Variants in KIF20B observed in about 807,000 individuals in gnomAD.
KIF20B encodes the protein kinesin-like protein KIF20B.
In KIF20B, 188 loss-of-function variants were observed where a neutral mutation model predicts 232.5. The observed-to-expected ratio is 0.81, with a 90% CI of 0.72 to 0.91. The LOEUF is 0.91. Among genes scored for constraint, KIF20B ranks in the 40% least tolerant of loss-of-function variants. KIF20B has a pLI of 0.00. For missense variants in KIF20B, 2,154 were observed against 2,055.9 expected (o/e 1.05, Z -0.92); for synonymous variants, 712 against 683.0 (o/e 1.04, Z -0.66).
At chr10:89,712,863 A>G (rs1413411384) in intron 6 of KIF20B, among the ~76,000 whole-genome samples, 5 of 152,266 alleles carry the variant, frequency 3.3e-5, no homozygotes, top group South Asian at 2.1e-4. Context: ...TTTTTACCCT[A>G]TTATTATTAA....
intron 25 of KIF20B, among the ~76,000 whole-genome samples, 191 bp downstream of exon 25, chr10:89,752,882 T>C (rs953008398): frequency 2.0e-5 from 3 of 152,202 alleles, no homozygotes; most frequent in East Asian, 1.9e-4. Context: ...TTCCAAGATA[T>C]AGCCTATTAA....
At position 89,723,923 on chromosome 10, in the gene KIF20B, A is replaced by G. The variant is rs1843120310; in HGVS notation, c.1723-41A>G. On this transcript the variant is annotated intron_variant, in intron 13 of 32. Coordinates refer to ENST00000371728, the MANE Select transcript of KIF20B (RefSeq NM_001284259.2). ...TTGGACGGTATTTCTCTTGGGATAT[A>G]TTTATTCTTTTATAAGAATTTTATC... The G allele has an allele frequency of 6.6e-6, 9 of 1,368,998 alleles. No homozygotes were observed. The African/African-American group carries it at 9.0e-5, about 14-fold the overall frequency. 84.8% of individuals were successfully genotyped at this position (1,368,998 alleles called of 1,614,324 possible). A position where few individuals can be genotyped will look rare whatever the true frequency, so the allele number is the denominator to read the frequency against.
At chr10:89,719,004 G>A (rs544691495) in intron 12 of KIF20B, 132 bp downstream of exon 12, 54 of 587,560 alleles carry the variant, frequency 9.2e-5, no homozygotes, top group African/African-American at 8.6e-4. Context: ...TAACCAAGTA[G>A]GAAGACATGA....
intron 7 of KIF20B, 22 bp downstream of exon 7, chr10:89,714,105 A>T: frequency 7.6e-7 from 1 of 1,322,660 alleles, no homozygotes; most frequent in Non-Finnish European, 1.0e-6. Flanking sequence ...TTGCTCACTT[A>T]TCTTTGATGT....
At chr10:89,709,124 G>T (rs371431314) in intron 2 of KIF20B, 43 bp from the exon 3 acceptor site, 1 of 1,375,816 alleles carries the variant, frequency 7.3e-7, no homozygotes, top group South Asian at 1.2e-5. Context: ...CTGAAAAGCC[G>T]TATCTTTCAA....
chr10:89,762,530 G>C, intron 28 of KIF20B, 108 bp from the exon 29 acceptor site: 1 of 768,494 alleles, frequency 1.3e-6, no homozygotes, highest in Non-Finnish European at 2.1e-6. Flanking sequence ...CACGCTTTTT[G>C]TCTTTCCCAA....
chr10:89,753,187 CAT>C (rs1286600774), intron 25 of KIF20B, among the ~76,000 whole-genome samples: 2 of 151,940 alleles, frequency 1.3e-5, no homozygotes, highest in Non-Finnish European at 2.9e-5. Flanking sequence ...TAACATACAA[CAT>C]ATGGGGGAAA....
chr10:89,705,396 G>C lies in KIF20B; in HGVS notation c.102G>C (p.Lys34Asn), dbSNP rs374375791. Reference protein sequence around the residue: ...RPSEINFDGIKLDLSHEFSLV... With the variant: ...RPSEINFDGINLDLSHEFSLV... ...CAGAAATAAATTTCGATGGCATTAA[G>C]CTTGATCTGTCTCATGAATTTTCCT... Residue 34 changes from lysine (K) to asparagine (N), a missense_variant, in exon 2 of 33, where the codon AAG (lysine) becomes AAC (asparagine). By Grantham distance (94) the Lys-to-Asn change is moderately conservative. Coordinates refer to ENST00000371728, the MANE Select transcript of KIF20B (RefSeq NM_001284259.2). 1 of 1,614,072 alleles carries C rather than the reference G, an allele frequency of 6.2e-7. No homozygotes were observed. Among genetic ancestry groups the C allele is most frequent in the South Asian group, 1.1e-5 (1 of 91,084 alleles).
intron 32 of KIF20B, 126 bp from the exon 33 acceptor site, chr10:89,773,845 A>G (rs1842515828): frequency 2.3e-6 from 1 of 439,448 alleles, no homozygotes; most frequent in Admixed American, 4.2e-5. Context: ...TAGTCTAAGT[A>G]AAAAAAATTC....
In KIF20B at chr10:89,774,149, T is replaced by C; in HGVS notation, c.*101T>C. On this transcript the variant is annotated 3_prime_UTR_variant, in exon 33 of 33. Coordinates refer to ENST00000371728, the MANE Select transcript of KIF20B (RefSeq NM_001284259.2). ...ATGTATATATTATGCATTAAATCAC[T>C]CTGCATATAGATTGCTGTTTTATAC... The C allele has an allele frequency of 1.7e-6, 1 of 594,080 alleles. No homozygotes were observed. Among genetic ancestry groups the C allele is most frequent in the East Asian group, 3.2e-5 (1 of 31,558 alleles). The allele number at this position is 594,080 out of a possible 1,614,324, so 36.8% of individuals were successfully genotyped here.
intron 22 of KIF20B, among the ~76,000 whole-genome samples, chr10:89,744,784 A>C (rs1483844071): frequency 7.1e-6 from 1 of 140,706 alleles, no homozygotes; most frequent in African/African-American, 2.9e-5. Flanking sequence ...GTATAAATAC[A>C]TGATTTTAAT....
In KIF20B at chr10:89,738,581, AAGAAG is replaced by A; in HGVS notation, c.3742_3746del (p.Glu1248ArgfsTer38). ...ATGAAACATTTACTTCAATTAAAAG[AAGAAG>A]AAGAAGAAACCAACAGGCAAGAAAC... On this transcript the variant is annotated frameshift_variant, in exon 20 of 33. Transcript: ENST00000371728. LOFTEE classifies it high-confidence loss of function. 6.4e-7 allele frequency: 1 copy of A among 1,557,188 alleles called. No homozygotes were observed. The highest frequency in any genetic ancestry group is 8.6e-7 in the Non-Finnish European group (1 of 1,158,084).
intron 24 of KIF20B, among the ~76,000 whole-genome samples, chr10:89,752,279 C>T (rs1564672038): frequency 6.6e-6 from 1 of 151,994 alleles, no homozygotes; most frequent in Non-Finnish European, 1.5e-5. Context: ...AAACTTTTTT[C>T]TTGAGGACTG....
chr10:89,710,189 G>A, intron 5 of KIF20B, 124 bp downstream of exon 5: 1 of 680,620 alleles, frequency 1.5e-6, no homozygotes, highest in Non-Finnish European at 2.3e-6. Flanking sequence ...ATTTTTAATA[G>A]TACTAGCATA....
At chr10:89,728,496 A>G (rs1343005482) in intron 17 of KIF20B, among the ~76,000 whole-genome samples, 2 of 152,070 alleles carry the variant, frequency 1.3e-5, no homozygotes, top group East Asian at 1.9e-4. Flanking sequence ...CCAGGGTGAC[A>G]TAGTTTTTTT....
At chr10:89,734,561 A>G (rs1347775897) in intron 19 of KIF20B, among the ~76,000 whole-genome samples, 5 of 152,162 alleles carry the variant, frequency 3.3e-5, no homozygotes, top group Non-Finnish European at 7.4e-5. Flanking sequence ...CATAACTTCA[A>G]CTGTGATTAG....
intron 5 of KIF20B, 148 bp downstream of exon 5, chr10:89,710,213 C>T (rs1842808723): frequency 4.1e-5 from 18 of 441,170 alleles, no homozygotes; most frequent in South Asian, 1.4e-4. Flanking sequence ...TTACGTATTG[C>T]TGTTTTTTTT....
intron 16 of KIF20B, among the ~76,000 whole-genome samples, chr10:89,726,965 C>T (rs1436015621): frequency 2.6e-5 from 4 of 151,610 alleles, no homozygotes; most frequent in Admixed American, 6.6e-5. Flanking sequence ...ACTACCACAG[C>T]GGCTGCATTT....
At chr10:89,710,183 T>C (rs1842808148) in intron 5 of KIF20B, 118 bp downstream of exon 5, 1 of 910,496 alleles carries the variant, frequency 1.1e-6, no homozygotes, top group African/African-American at 1.7e-5. Flanking sequence ...TGCTCTATTT[T>C]TAATAGTACT....
Sources: gnomAD v4.1 joint callset for allele counts (sites outside exome capture counted in the v4.1 genomes callset) on GRCh38, gnomAD v4.1.1 for gene constraint, MANE v1.5 for transcripts, NCBI Gene and HGNC (gene_info 2026-07-23, HGNC 2026-07-21) for gene names.